Variants in ZNF710 observed in about 807,000 individuals in gnomAD.
ZNF710 encodes zinc finger protein 710.
In ZNF710, 13 loss-of-function variants were observed where a neutral mutation model predicts 50.6. That is an observed-to-expected ratio of 0.26 (90% CI 0.17 to 0.41). The LOEUF (loss-of-function observed/expected upper bound fraction) is 0.41, where lower values mean the gene tolerates loss of function less well. ZNF710 is among the 10% of genes least tolerant of loss of function. The pLI is 1.00. For synonymous variants in ZNF710, 383 were observed against 397.0 expected (o/e 0.96, Z 0.42); for missense variants, 721 against 936.6 (o/e 0.77, Z 3.01).
At chr15:90,027,911 T>C (rs904375833) in intron 1 of ZNF710, among the ~76,000 whole-genome samples, 2 of 150,728 alleles carry the variant, frequency 1.3e-5, no homozygotes, top group Non-Finnish European at 3.0e-5. Flanking sequence ...AGCAAACAAA[T>C]GCCCGACCTA....
chr15:90,060,745 A>G (rs945986472), intron 1 of ZNF710, among the ~76,000 whole-genome samples: 1 of 152,032 alleles, frequency 6.6e-6, no homozygotes, highest in African/African-American at 2.4e-5. Flanking sequence ...AATCCCAGCT[A>G]CTTTGGAGGC....
intron 1 of ZNF710, among the ~76,000 whole-genome samples, chr15:90,027,320 C>T (rs1898808707): frequency 6.6e-6 from 1 of 152,036 alleles, no homozygotes; most frequent in South Asian, 2.1e-4. Context: ...AAGCGATTCT[C>T]CTGCCTCAGC....
intron 1 of ZNF710, among the ~76,000 whole-genome samples, chr15:90,009,069 A>C (rs1898229745): frequency 6.6e-6 from 1 of 151,942 alleles, no homozygotes. Flanking sequence ...TAAATGGGAA[A>C]CTATAACTTT....
rs1900045833 is a variant in ZNF710 at position 90,062,641 on chromosome 15, G to A, written c.-28-4469G>A. ...GCCCTGTGCCAGGACATAAACAGAAGGGTTTAGCCTGGGAGATGGAACAGA... is the reference window on the plus strand; with the variant it reads ...GCCCTGTGCCAGGACATAAACAGAAAGGTTTAGCCTGGGAGATGGAACAGA... On this transcript the variant is annotated intron_variant, in intron 1 of 4. Coordinates refer to ENST00000268154, the MANE Select transcript of ZNF710 (RefSeq NM_198526.4). The surrounding 1 kb of genome is among the most constrained non-coding windows in gnomAD (Gnocchi z 5.6). Among the ~76,000 whole-genome samples, 1 of 152,226 alleles carries A rather than the reference G, an allele frequency of 6.6e-6. No homozygotes were observed. Among genetic ancestry groups the A allele is most frequent in the Non-Finnish European group, 1.5e-5 (1 of 68,042 alleles).
At chr15:90,070,832 G>A (rs75097655) in intron 2 of ZNF710, among the ~76,000 whole-genome samples, 10,723 of 152,104 alleles carry the variant, frequency 0.07, 521 homozygotes, top group Non-Finnish European at 0.11. Flanking sequence ...AAAGAGAAAA[G>A]GATTCTGAAA....
At chr15:90,009,146 C>A (rs1246635047) in intron 1 of ZNF710, among the ~76,000 whole-genome samples, 1 of 151,902 alleles carries the variant, frequency 6.6e-6, no homozygotes, top group African/African-American at 2.4e-5. Flanking sequence ...TCCCGGACCC[C>A]ATCCCGTTCT....
intron 1 of ZNF710, among the ~76,000 whole-genome samples, chr15:90,044,671 G>A (rs1033299949): frequency 1.3e-5 from 2 of 152,140 alleles, no homozygotes; most frequent in African/African-American, 2.4e-5. Flanking sequence ...TTCCCTGTAG[G>A]CCTCTTTATT....
chr15:90,009,676 C>T (rs1026785329), intron 1 of ZNF710, among the ~76,000 whole-genome samples: 2 of 152,128 alleles, frequency 1.3e-5, no homozygotes, highest in African/African-American at 4.8e-5. Context: ...TCTCTACCTA[C>T]AGCTACAGTC....
At chr15:90,033,455 G>A (rs1362232419) in intron 1 of ZNF710, among the ~76,000 whole-genome samples, 3 of 152,126 alleles carry the variant, frequency 2.0e-5, no homozygotes, top group East Asian at 3.8e-4. Context: ...CTTCACCCTC[G>A]AGATCCCAAC....
rs1900188883 is a variant in ZNF710, at chr15:90,067,003, A to G, written c.-28-107A>G. The G allele has an allele frequency of 7.9e-7, 1 of 1,269,002 alleles. No individual in the cohort carries two copies. Among genetic ancestry groups the G allele is most frequent in the Non-Finnish European group, 1.1e-6 (1 of 944,764 alleles). 78.6% of individuals were successfully genotyped at this position (1,269,002 alleles called of 1,614,324 possible). On this transcript the variant is annotated intron_variant, in intron 1 of 4. Coordinates refer to ENST00000268154, the MANE Select transcript of ZNF710 (RefSeq NM_198526.4). The surrounding 1 kb of genome is among the most constrained non-coding windows in gnomAD (Gnocchi z 8.1). ...CAAGGCCAGGAGTAGAAAAGACATC[A>G]GAGCCAGACACACCCAAAATCAGCC...
chr15:90,067,837 A>C lies in ZNF710; in HGVS notation c.700A>C (p.Met234Leu), dbSNP rs111958730. The change falls in exon 2 of 5, where the codon ATG (methionine) becomes CTG (leucine). Residue 234 changes from methionine to leucine, a missense_variant. Met to Leu is a conservative substitution (Grantham distance 15, BLOSUM62 2). This residue lies in a region of ZNF710 where 326 missense variants were observed against 347.1 expected (regional missense o/e 0.94). Coordinates refer to ENST00000268154, the MANE Select transcript of ZNF710 (RefSeq NM_198526.4). This position sits in a 1 kb window ranked among gnomAD's most constrained non-coding sequence, Gnocchi z 8.1. ...CCTGAGTGACCCCGAGGCCCCCAGCATGGAGTCCCCGGAGCCTGTCAAGCC... is the reference window on the plus strand; with the variant it reads ...CCTGAGTGACCCCGAGGCCCCCAGCCTGGAGTCCCCGGAGCCTGTCAAGCC... The part of the protein sequence containing the change: ...APLSDPEAPS[M>L]ESPEPVKPEQ... 3.5e-5 allele frequency: 55 copies of C among 1,593,568 alleles called. No homozygotes were observed. The African/African-American group carries it at 6.3e-4, about 18-fold the overall frequency.
rs1450681852 is a variant in ZNF710, at chr15:90,068,635, C to T, written c.1458+40C>T. On this transcript the variant is annotated intron_variant, in intron 2 of 4. Transcript: ENST00000268154. This position sits in a 1 kb window ranked among gnomAD's most constrained non-coding sequence, Gnocchi z 5.0. ...AGGGCCTGGGCATCTGCCTGCCCCT[C>T]CTGCCACTTTTTCATCCAGTACTTT... The T allele has an allele frequency of 6.5e-7, 1 of 1,542,544 alleles. No homozygotes were observed.
intron 4 of ZNF710, chr15:90,074,716 A>G (rs1293467425): frequency 8.5e-6 from 3 of 354,656 alleles, no homozygotes; most frequent in African/African-American, 2.2e-5. Context: ...CCGTGAGATA[A>G]TATTTCAAAT....
chr15:90,080,698 G>A lies in ZNF710; in HGVS notation c.*869G>A, dbSNP rs996171173. 3 of 152,336 alleles carry A rather than the reference G, an allele frequency of 2.0e-5. No individual in the cohort carries two copies. Among genetic ancestry groups the A allele is most frequent in the African/African-American group, 7.2e-5 (3 of 41,460 alleles). 9.4% of individuals were successfully genotyped at this position (152,336 alleles called of 1,614,324 possible). On this transcript the variant is annotated 3_prime_UTR_variant, in exon 5 of 5. Transcript: ENST00000268154. ...GGGGGAGGCCCAGGACCACCTGTCG[G>A]GGAGGGGGACCGCAGTCATTTCTCA...
intron 1 of ZNF710, among the ~76,000 whole-genome samples, chr15:90,056,368 C>T (rs1899817899): frequency 6.6e-6 from 1 of 152,032 alleles, no homozygotes; most frequent in African/African-American, 2.4e-5. Context: ...GAGCCGAGAT[C>T]ATACCATTGC....
intron 1 of ZNF710, among the ~76,000 whole-genome samples, chr15:90,037,465 G>C (rs746281953): frequency 6.6e-6 from 1 of 152,196 alleles, no homozygotes; most frequent in Admixed American, 6.5e-5. Context: ...GGAACTAGGG[G>C]AGCACTAAGC....
At position 90,081,620 on chromosome 15, in the gene ZNF710, G is replaced by T. The variant is rs1427053291; in HGVS notation, c.*1791G>T. ...CAGGTGCCCGCCATGATGACCCTCA[G>T]GTGGCAGTGACCCCGTCACTGTATA... On this transcript the variant is annotated 3_prime_UTR_variant, in exon 5 of 5. Transcript: ENST00000268154. 1 of 152,350 alleles carries T rather than the reference G, an allele frequency of 6.6e-6. No homozygotes were observed. The highest frequency in any genetic ancestry group is 1.9e-4 in the East Asian group (1 of 5,196). The allele number at this position is 152,350 out of a possible 1,614,324, so 9.4% of individuals were successfully genotyped here. A position where few individuals can be genotyped will look rare whatever the true frequency, so the allele number is the denominator to read the frequency against.
At chr15:90,075,737 T>C (rs916929131) in intron 4 of ZNF710, 1 of 152,210 alleles carries the variant, frequency 6.6e-6, no homozygotes, top group Admixed American at 6.5e-5. Flanking sequence ...TCAGTTGTTT[T>C]GTTTTGTTTT....
At chr15:90,015,544 C>T (rs567379224) in intron 1 of ZNF710, among the ~76,000 whole-genome samples, 15 of 151,412 alleles carry the variant, frequency 9.9e-5, no homozygotes, top group South Asian at 8.4e-4. Flanking sequence ...CCAGAATGTC[C>T]GTCACTAGAG....
Sources: gnomAD v4.1 joint callset for allele counts (sites outside exome capture counted in the v4.1 genomes callset) on GRCh38, gnomAD v4.1.1 for gene constraint, gnomAD v4.1.1 regional missense constraint, Gnocchi (gnomAD v3.1) non-coding constraint, MANE v1.5 for transcripts, NCBI Gene and HGNC (gene_info 2026-07-23, HGNC 2026-07-21) for gene names.